The following NCOA1 variants were observed in gnomAD, a reference collection of about 807,000 sequenced individuals.
The protein encoded by NCOA1 is nuclear receptor coactivator 1, also known as Hin-2 protein.
In NCOA1, 35 loss-of-function variants were observed where a neutral mutation model predicts 150.9. The ratio of observed to expected loss-of-function variants is 0.23; its 90% CI spans 0.18 to 0.31. The LOEUF (loss-of-function observed/expected upper bound fraction) is 0.31, where lower values mean the gene tolerates loss of function less well. Among genes scored for constraint, NCOA1 ranks in the 10% least tolerant of loss-of-function variants. The pLI, the probability that NCOA1 is intolerant of heterozygous loss-of-function variation, is 1.00. For synonymous variants in NCOA1, 590 were observed against 630.0 expected, an observed-to-expected ratio of 0.94 and a Z score of 0.95; for missense variants, 1,491 against 1,749.3, an observed-to-expected ratio of 0.85 and a Z score of 2.63.
intron 3 of NCOA1, among the ~76,000 whole-genome samples, chr2:24,603,699 GTTCTCTTGCT>G (rs531387965): frequency 1.2e-4 from 18 of 152,236 alleles, no homozygotes; most frequent in African/African-American, 4.1e-4. Context: ...TCGAATTCTG[GTTCTCTTGCT>G]GTTTTTACCA....
intron 14 of NCOA1, among the ~76,000 whole-genome samples, chr2:24,714,513 C>T (rs544721512): frequency 5.4e-4 from 82 of 151,442 alleles, no homozygotes; most frequent in African/African-American, 1.9e-3. Context: ...AAAAAAGAGC[C>T]AAATAGAGCT....
chr2:24,491,860 C>G (rs948690290), intron 1 of NCOA1: 7 of 151,818 alleles, frequency 4.6e-5, no homozygotes, highest in African/African-American at 1.7e-4. Context: ...GCAGCGACTT[C>G]TCTCCGCCTC....
At position 24,742,285 on chromosome 2, in the gene NCOA1, G is replaced by T. The variant is rs1572670161; in HGVS notation, c.3706+99G>T. 2.2e-6 allele frequency: 3 copies of T among 1,377,440 alleles called. No individual in the cohort carries two copies. The East Asian group carries it at 7.0e-5, about 32-fold the overall frequency. The allele number at this position is 1,377,440 out of a possible 1,614,324, so 85.3% of individuals were successfully genotyped here. A position where few individuals can be genotyped will look rare whatever the true frequency, so the allele number is the denominator to read the frequency against. ...TGCTTGGACATTAAAATAGTGTGTG[G>T]AAGAGGAAAGACACTGACGTGGGAG... On this transcript the variant is annotated intron_variant, in intron 19 of 22. Transcript: ENST00000348332.
chr2:24,744,329 G>C (rs1663776954), intron 19 of NCOA1, among the ~76,000 whole-genome samples: 1 of 152,220 alleles, frequency 6.6e-6, no homozygotes, highest in Admixed American at 6.5e-5. Flanking sequence ...GCATTGAAGA[G>C]AACAGTGGTT....
intron 1 of NCOA1, among the ~76,000 whole-genome samples, chr2:24,497,837 T>G (rs1663289215): frequency 6.6e-6 from 1 of 152,234 alleles, no homozygotes; most frequent in Admixed American, 6.5e-5. Context: ...TAGCTAAAGC[T>G]TAGTGTGGTT....
intron 20 of NCOA1, among the ~76,000 whole-genome samples, chr2:24,753,829 C>T (rs1198915296): frequency 6.6e-6 from 1 of 152,134 alleles, no homozygotes; most frequent in Non-Finnish European, 1.5e-5. Context: ...GCTTGACTCC[C>T]AAATTTAAAC....
rs145506211 is a variant in NCOA1 at position 24,551,152 on chromosome 2, G to A, written c.-395-13143G>A. Among the ~76,000 whole-genome samples, 1,308 of 150,524 alleles carry A rather than the reference G, an allele frequency of 8.7e-3. 14 individuals carry two copies. Among genetic ancestry groups the A allele is most frequent in the African/African-American group, 0.03 (1,250 of 41,064 alleles). ...CATTTGTGGTTGTCTTTTTTTGTAA[G>A]GCAGAACACTGGATGCTCTATCCAG... On this transcript the variant is annotated intron_variant, in intron 1 of 22. Coordinates refer to ENST00000348332, the MANE Select transcript of NCOA1 (RefSeq NM_003743.5).
intron 3 of NCOA1, among the ~76,000 whole-genome samples, chr2:24,618,758 G>A (rs1345668008): frequency 6.6e-6 from 1 of 151,366 alleles, no homozygotes; most frequent in African/African-American, 2.4e-5. Flanking sequence ...TTTTTTTTGA[G>A]CATTTAGCCA....
chr2:24,507,715 A>G (rs191029603), intron 1 of NCOA1, among the ~76,000 whole-genome samples: 7 of 152,140 alleles, frequency 4.6e-5, no homozygotes, highest in Admixed American at 1.3e-4. Context: ...CACTTGTATT[A>G]CGTGGTCATC....
chr2:24,552,254 C>G (rs13425313), intron 1 of NCOA1, among the ~76,000 whole-genome samples: 31 of 134,718 alleles, frequency 2.3e-4, no homozygotes, highest in African/African-American at 8.0e-4. Flanking sequence ...ATTGATTGAT[C>G]TGATATTTGA....
intron 8 of NCOA1, among the ~76,000 whole-genome samples, chr2:24,687,194 C>G (rs1304983129): frequency 6.6e-6 from 1 of 151,878 alleles, no homozygotes; most frequent in Non-Finnish European, 1.5e-5. Context: ...ACCTTCTTTC[C>G]TTTTACCTGA....
intron 1 of NCOA1, among the ~76,000 whole-genome samples, chr2:24,498,204 G>C (rs1663305604): frequency 6.6e-6 from 1 of 152,146 alleles, no homozygotes; most frequent in Non-Finnish European, 1.5e-5. Flanking sequence ...CATTCTAAAT[G>C]GTACAGGTAG....
chr2:24,516,342 G>A (rs1402643522), intron 1 of NCOA1, among the ~76,000 whole-genome samples: 1 of 151,556 alleles, frequency 6.6e-6, no homozygotes, highest in South Asian at 2.1e-4. Context: ...ACAGGCGCCC[G>A]CTACCACGCC....
At chr2:24,751,744 T>A (rs1186641391) in intron 19 of NCOA1, among the ~76,000 whole-genome samples, 2 of 152,196 alleles carry the variant, frequency 1.3e-5, no homozygotes, top group Non-Finnish European at 2.9e-5. Context: ...AAAGCATTAT[T>A]CCGAGCTTAC....
chr2:24,583,373 T>C (rs1667278634), intron 2 of NCOA1, among the ~76,000 whole-genome samples: 1 of 152,068 alleles, frequency 6.6e-6, no homozygotes, highest in African/African-American at 2.4e-5. Context: ...CACCTCAGAA[T>C]GGCTATTATC....
At chr2:24,643,739 A>G (rs56263618) in intron 3 of NCOA1, among the ~76,000 whole-genome samples, 4,250 of 152,302 alleles carry the variant, frequency 0.028, 63 homozygotes, top group African/African-American at 0.042. Context: ...GCAATTATGT[A>G]TTACCTAAGC....
At position 24,662,381 on chromosome 2, in the gene NCOA1, A is replaced by G. The variant is rs1671223441; in HGVS notation, c.90-3368A>G. 2.0e-5 allele frequency among the ~76,000 whole-genome samples: 3 copies of G among 152,096 alleles called. No homozygotes were observed. In the South Asian group the frequency reaches 6.2e-4, roughly 31 times the overall value. On this transcript the variant is annotated intron_variant, in intron 5 of 22. Coordinates refer to ENST00000348332, the MANE Select transcript of NCOA1 (RefSeq NM_003743.5). ...ATGCTTGTTGAATATTTCCAATTCA[A>G]CTCAAGTACATGTTAAGTGCGTACT... is the stretch of plus-strand genomic sequence containing the variant.
At chr2:24,720,231 T>C (rs546057138) in intron 14 of NCOA1, among the ~76,000 whole-genome samples, 67 of 152,294 alleles carry the variant, frequency 4.4e-4, no homozygotes, top group African/African-American at 1.6e-3. Flanking sequence ...GTTGCCTCTA[T>C]TGAGAAGGAG....
intron 1 of NCOA1, among the ~76,000 whole-genome samples, chr2:24,529,779 C>T (rs1403394322): frequency 6.6e-6 from 1 of 152,100 alleles, no homozygotes; most frequent in African/African-American, 2.4e-5. Context: ...AATTTATCTA[C>T]CTATTTTTTT....
Sources: allele counts gnomAD v4.1 joint callset (sites outside exome capture counted in the v4.1 genomes callset), GRCh38; gene constraint gnomAD v4.1.1; transcripts MANE v1.5; gene names NCBI Gene and HGNC (gene_info 2026-07-23, HGNC 2026-07-21).